APOO: variants seen among roughly 807,000 people sequenced by gnomAD.
APOO encodes apolipoprotein O, also known as MICOS complex subunit MIC26.
Under a neutral mutation model 23.1 loss-of-function variants are expected in APOO, and 11 were observed. The observed-to-expected ratio is 0.48, with a 90% CI of 0.30 to 0.79. APOO has a LOEUF of 0.79. APOO is among the 30% of genes least tolerant of loss of function. The pLI is 0.07. For synonymous variants in APOO, 59 were observed against 54.8 expected, an observed-to-expected ratio of 1.08 and a Z score of -0.34; for missense variants, 160 against 142.7, an observed-to-expected ratio of 1.12 and a Z score of -0.62.
At chrX:23,837,956 G>T (rs769512151) in intron 8 of APOO, among the ~76,000 whole-genome samples, 1 of 85,798 alleles carries the variant, frequency 1.2e-5, no homozygotes, top group African/African-American at 4.3e-5. Context: ...CACTGCACCC[G>T]GCCTATCTAT....
chrX:23,854,179 C>T (rs1041557438), intron 7 of APOO, among the ~76,000 whole-genome samples: 1 of 112,500 alleles, frequency 8.9e-6, no homozygotes, highest in Non-Finnish European at 1.9e-5. Flanking sequence ...AAATGTTGGC[C>T]TGCTTAACTG....
intron 7 of APOO, among the ~76,000 whole-genome samples, chrX:23,842,687 G>A (rs750887531): frequency 1.8e-5 from 2 of 111,445 alleles, no homozygotes; most frequent in East Asian, 5.7e-4. Context: ...AGATAATCAT[G>A]TCCAACAATC....
At chrX:23,887,705 T>G (rs1030060334) in intron 1 of APOO, among the ~76,000 whole-genome samples, 1 of 111,806 alleles carries the variant, frequency 8.9e-6, no homozygotes, top group Admixed American at 9.6e-5. Flanking sequence ...TGCCAAGAAC[T>G]GATTAGATAT....
rs1420493329 is a variant in APOO, at chrX:23,879,041, A to G, written c.118-7T>C. The G allele has an allele frequency of 2.5e-6, 3 of 1,204,799 alleles. No homozygotes were observed. Among genetic ancestry groups the G allele is most frequent in the Non-Finnish European group, 3.4e-6 (3 of 890,195 alleles). ...GAACTGAGTAGAGTGAAAGCTGCGC[A>G]CATTAAAACAAAACAAAGATTTAAA... On this transcript the variant is annotated splice_polypyrimidine_tract_variant and splice_region_variant and intron_variant, in intron 2 of 8. Coordinates refer to ENST00000379226, the MANE Select transcript of APOO (RefSeq NM_024122.5).
At chrX:23,897,846 T>A (rs1569245620) in intron 1 of APOO, among the ~76,000 whole-genome samples, 1 of 108,295 alleles carries the variant, frequency 9.2e-6, no homozygotes, top group Non-Finnish European at 1.9e-5. Flanking sequence ...ATACAAAAAA[T>A]TATCTGGGAA....
rs1427871310 is a variant in APOO, at chrX:23,880,061, T to G, written c.117+784A>C. The stretch of plus-strand genomic sequence containing the variant: ...AACAGTAGAGAGAAGATTTCTTGTT[T>G]TTTTTTTTTTTAAATTTAGTATTTA... On this transcript the variant is annotated intron_variant, in intron 2 of 8. Transcript: ENST00000379226. 5.4e-5 allele frequency among the ~76,000 whole-genome samples: 6 copies of G among 110,259 alleles called. No individual in the cohort carries two copies. The South Asian group carries it at 1.9e-3, about 35-fold the overall frequency.
chrX:23,880,401 CT>C (rs1399759655), intron 2 of APOO, among the ~76,000 whole-genome samples: 6 of 111,884 alleles, frequency 5.4e-5, no homozygotes, highest in Non-Finnish European at 1.1e-4. Flanking sequence ...TATATTTTCT[CT>C]GTTTAAATGT....
chrX:23,902,827 T>C (rs746741430), intron 1 of APOO, among the ~76,000 whole-genome samples: 2 of 111,385 alleles, frequency 1.8e-5, no homozygotes, highest in East Asian at 5.7e-4. Context: ...ACCCAAGCTG[T>C]TAACTCCCAA....
At chrX:23,890,726 G>A (rs771296630) in intron 1 of APOO, among the ~76,000 whole-genome samples, 18 of 111,816 alleles carry the variant, frequency 1.6e-4, no homozygotes, top group Non-Finnish European at 3.0e-4. Flanking sequence ...AGTGTTCTGA[G>A]TACATTTAAG....
intron 1 of APOO, among the ~76,000 whole-genome samples, chrX:23,890,916 C>T (rs1444143569): frequency 1.8e-5 from 2 of 111,966 alleles, no homozygotes; most frequent in Non-Finnish European, 3.8e-5. Context: ...TTATCTCCTC[C>T]TCCCTTTACT....
intron 7 of APOO, 139 bp downstream of exon 7, chrX:23,856,163 T>G: frequency 1.6e-6 from 1 of 623,272 alleles, no homozygotes; most frequent in South Asian, 2.6e-5. Context: ...AAAGGTCACC[T>G]GAAAAATCTG....
Position 23,907,789 on chromosome X carries a change from C to A in APOO, c.-87G>T. 1 of 1,029,662 alleles carries A rather than the reference C, an allele frequency of 9.7e-7. No homozygotes were observed. Among genetic ancestry groups the A allele is most frequent in the Non-Finnish European group, 1.3e-6 (1 of 775,410 alleles). The allele number at this position is 1,029,662 out of a possible 1,213,427, so 84.9% of individuals were successfully genotyped here. Reference sequence around the variant, plus strand: ...GGTGACTACGGAGGCCCGGTAGGGCCTTGATTTCTCCAACCGCAAGCAGGC... The same window carrying A: ...GGTGACTACGGAGGCCCGGTAGGGCATTGATTTCTCCAACCGCAAGCAGGC... On this transcript the variant is annotated 5_prime_UTR_variant, in exon 1 of 9. It adds an upstream start codon to the 5' untranslated region. Transcript: ENST00000379226.
intron 1 of APOO, among the ~76,000 whole-genome samples, chrX:23,889,953 G>A (rs751127361): frequency 5.4e-4 from 60 of 110,585 alleles, no homozygotes; most frequent in Admixed American, 1.2e-3. Flanking sequence ...CAGCCACCGC[G>A]CCTGGCCCAC....
chrX:23,872,231 C>G (rs140355241), intron 4 of APOO, among the ~76,000 whole-genome samples: 1,695 of 110,544 alleles, frequency 0.015, 28 homozygotes, highest in African/African-American at 0.052. Flanking sequence ...AAAGTGAGAC[C>G]CTGCCTCTAC....
chrX:23,877,847 C>A (rs1489296687), intron 3 of APOO, among the ~76,000 whole-genome samples: 1 of 111,301 alleles, frequency 9.0e-6, no homozygotes, highest in Non-Finnish European at 1.9e-5. Context: ...TCCCACATAT[C>A]TACATCTATT....
At chrX:23,901,438 C>T (rs901165642) in intron 1 of APOO, among the ~76,000 whole-genome samples, 6 of 111,426 alleles carry the variant, frequency 5.4e-5, no homozygotes, top group African/African-American at 1.6e-4. Context: ...CTGTTCAAAA[C>T]CAAACCATCA....
At chrX:23,838,375 AAAG>A (rs1213733696) in intron 8 of APOO, among the ~76,000 whole-genome samples, 8 of 85,808 alleles carry the variant, frequency 9.3e-5, no homozygotes, top group South Asian at 1.6e-3. Context: ...AAAAAAAAAA[AAAG>A]AAAGAAAGAA....
chrX:23,869,412 G>A (rs1471373794), intron 4 of APOO, among the ~76,000 whole-genome samples: 1 of 110,415 alleles, frequency 9.1e-6, no homozygotes, highest in East Asian at 2.8e-4. Flanking sequence ...TCTTTGGATA[G>A]ATCTATTGCT....
intron 1 of APOO, among the ~76,000 whole-genome samples, chrX:23,896,890 C>T (rs1387920075): frequency 9.2e-6 from 1 of 109,113 alleles, no homozygotes; most frequent in Non-Finnish European, 1.9e-5. Context: ...AATCCTCCTG[C>T]CTTGGCCTCC....
Sources: allele counts gnomAD v4.1 joint callset (sites outside exome capture counted in the v4.1 genomes callset), GRCh38; gene constraint gnomAD v4.1.1; transcripts MANE v1.5; gene names NCBI Gene and HGNC (gene_info 2026-07-23, HGNC 2026-07-21).